SENP1: variants seen among roughly 807,000 people sequenced by gnomAD.
SENP1 encodes sentrin-specific protease 1.
A neutral mutation model predicts 93.0 loss-of-function variants in SENP1; 21 were observed. The ratio of observed to expected loss-of-function variants is 0.23; its 90% CI spans 0.16 to 0.33. SENP1 has a LOEUF of 0.33. SENP1 is among the 10% of genes least tolerant of loss of function. The probability of loss-of-function intolerance (pLI) is 1.00; values close to 1 mark genes in which losing one functional copy is unlikely to be tolerated. For missense variants in SENP1, 591 were observed against 758.7 expected (o/e 0.78, Z 2.60); for synonymous variants, 256 against 259.6 (o/e 0.99, Z 0.13).
At chr12:48,076,220 C>T (rs1300131834) in intron 6 of SENP1, among the ~76,000 whole-genome samples, 1 of 152,234 alleles carries the variant, frequency 6.6e-6, no homozygotes, top group Non-Finnish European at 1.5e-5. Context: ...AACATTATGT[C>T]AGTGTTAGCA....
At chr12:48,065,712 A>T in intron 10 of SENP1, 32 bp from the exon 11 acceptor site, 3 of 1,326,412 alleles carry the variant, frequency 2.3e-6, no homozygotes, top group Non-Finnish European at 3.2e-6. Context: ...GACCAAATGT[A>T]GACCACTCTC....
chr12:48,047,972 AACTCTT>A, intron 15 of SENP1, 23 bp downstream of exon 15: 1 of 1,482,160 alleles, frequency 6.7e-7, no homozygotes, highest in East Asian at 2.3e-5. Flanking sequence ...CCCGATATCA[AACTCTT>A]CTGTCCTCAA....
At chr12:48,075,251 C>A (rs1401339764) in intron 6 of SENP1, among the ~76,000 whole-genome samples, 1 of 151,754 alleles carries the variant, frequency 6.6e-6, no homozygotes, top group African/African-American at 2.4e-5. Flanking sequence ...CAAAACAAAA[C>A]AAAAATTATC....
chr12:48,105,781 GGAGA>G (rs369237878), intron 1 of SENP1: 11 of 578,156 alleles, frequency 1.9e-5, no homozygotes, highest in Admixed American at 1.5e-4. Context: ...CCGCGGCCCA[GGAGA>G]GAGAGACCAG....
At chr12:48,062,762 A>G (rs1314599659) in intron 13 of SENP1, among the ~76,000 whole-genome samples, 7 of 152,226 alleles carry the variant, frequency 4.6e-5, no homozygotes, top group Non-Finnish European at 7.3e-5. Context: ...GTGAACTATC[A>G]TATCTACTTC....
chr12:48,074,283 C>T (rs1322458253), intron 8 of SENP1, 41 bp downstream of exon 8: 1 of 1,507,752 alleles, frequency 6.6e-7, no homozygotes, highest in East Asian at 2.3e-5. Flanking sequence ...AGTTAATTGG[C>T]TATTAGGACT....
At chr12:48,096,271 T>C in intron 4 of SENP1, 72 bp downstream of exon 4, 2 of 794,068 alleles carry the variant, frequency 2.5e-6, no homozygotes, top group South Asian at 1.7e-5. Context: ...TTGGAGATGA[T>C]AAACATAAAC....
chr12:48,067,311 T>C lies in SENP1; in HGVS notation c.996-346A>G, dbSNP rs913963876. Reference sequence around the variant, plus strand: ...CAAAATAATACATTAAGCTAGAACATTGCTCTTCCCAAATGACTCAGATTG... The same window carrying C: ...CAAAATAATACATTAAGCTAGAACACTGCTCTTCCCAAATGACTCAGATTG... On this transcript the variant is annotated intron_variant, in intron 9 of 17. Coordinates refer to ENST00000549518, the MANE Select transcript of SENP1 (RefSeq NM_001267594.2). Among the ~76,000 whole-genome samples, 4 of 152,168 alleles carry C rather than the reference T, an allele frequency of 2.6e-5. No individual in the cohort carries two copies. In the East Asian group the frequency reaches 5.8e-4, roughly 22 times the overall value.
intron 9 of SENP1, among the ~76,000 whole-genome samples, chr12:48,069,437 C>T (rs1020064539): frequency 8.5e-5 from 13 of 152,230 alleles, no homozygotes; most frequent in Admixed American, 8.5e-4. Flanking sequence ...AACAGCCTTA[C>T]CCAACAGACC....
chr12:48,071,724 A>G lies in SENP1; in HGVS notation c.941-3T>C, dbSNP rs905987470. Reference sequence around the variant, plus strand: ...CAGTAAAATCACAGAGTCTGATCCTAAAGAAACACAAGAGCATTTCATTAG... The same window carrying G: ...CAGTAAAATCACAGAGTCTGATCCTGAAGAAACACAAGAGCATTTCATTAG... On this transcript the variant is annotated splice_polypyrimidine_tract_variant and splice_region_variant and intron_variant, in intron 8 of 17. Transcript: ENST00000549518. 2 of 1,596,338 alleles carry G rather than the reference A, an allele frequency of 1.3e-6. No homozygotes were observed. Among genetic ancestry groups the G allele is most frequent in the East Asian group, 2.2e-5 (1 of 44,782 alleles).
intron 4 of SENP1, among the ~76,000 whole-genome samples, chr12:48,095,931 C>T (rs1024662471): frequency 4.6e-5 from 7 of 152,148 alleles, no homozygotes; most frequent in Non-Finnish European, 8.8e-5. Flanking sequence ...GAAAGAAGGA[C>T]AAGCTCAGGA....
intron 3 of SENP1, 87 bp downstream of exon 3, chr12:48,097,907 T>C (rs1168667207): frequency 8.3e-7 from 1 of 1,208,154 alleles, no homozygotes; most frequent in Non-Finnish European, 1.2e-6. Context: ...GCTTGTATTT[T>C]TGAGTGTGGC....
intron 4 of SENP1, among the ~76,000 whole-genome samples, chr12:48,094,051 G>T (rs141359692): frequency 6.6e-6 from 1 of 152,130 alleles, no homozygotes; most frequent in African/African-American, 2.4e-5. Context: ...ACAGATAATC[G>T]GAAGAGATCA....
chr12:48,069,217 T>C (rs1251371892), intron 9 of SENP1, among the ~76,000 whole-genome samples: 2 of 141,074 alleles, frequency 1.4e-5, no homozygotes, highest in Non-Finnish European at 3.1e-5. Flanking sequence ...GCTTACCAAG[T>C]AGACAGAGAG....
At position 48,096,383 on chromosome 12, in the gene SENP1, A is replaced by G; in HGVS notation, c.180T>C (p.Cys60=). ...GATTATAAGCTGCACTTCTTGTGGA[A>G]CATGTAAAAGATCGGTCCAAATGTC... ...RQGHLDRSFT[C]STRSAAYNPS... is the part of the protein sequence containing the mutation. Residue 60 remains cysteine, a synonymous_variant, in exon 4 of 18, where the codon TGT becomes TGC. Coordinates refer to ENST00000549518, the MANE Select transcript of SENP1 (RefSeq NM_001267594.2). 1 of 1,611,070 alleles carries G rather than the reference A, an allele frequency of 6.2e-7. No homozygotes were observed. The highest frequency in any genetic ancestry group is 1.1e-5 in the South Asian group (1 of 90,856).
intron 4 of SENP1, among the ~76,000 whole-genome samples, chr12:48,089,536 G>A (rs1945093542): frequency 6.6e-6 from 1 of 152,144 alleles, no homozygotes; most frequent in Admixed American, 6.5e-5. Context: ...ATAATCTTCA[G>A]TCATCTAATG....
intron 3 of SENP1, chr12:48,097,752 A>G: frequency 3.0e-6 from 1 of 332,896 alleles, no homozygotes; most frequent in Non-Finnish European, 5.5e-6. Context: ...TTTAAAATTC[A>G]GAGGAACAAT....
At position 48,042,969 on chromosome 12, in the gene SENP1, T is replaced by C. The variant is rs1277137469; in HGVS notation, c.*2353A>G. 1 of 152,072 alleles carries C rather than the reference T, an allele frequency of 6.6e-6. No individual in the cohort carries two copies. Among genetic ancestry groups the C allele is most frequent in the African/African-American group, 2.4e-5 (1 of 41,422 alleles). The allele number at this position is 152,072 out of a possible 1,614,324, so 9.4% of individuals were successfully genotyped here. On this transcript the variant is annotated 3_prime_UTR_variant, in exon 18 of 18. Transcript: ENST00000549518. ...ATATTAATAACATGCCTTTGGGCCA[T>C]AAAATGCAGAAATACCTTTTTTTTT...
At chr12:48,069,813 A>C (rs551219608) in intron 9 of SENP1, among the ~76,000 whole-genome samples, 6 of 152,334 alleles carry the variant, frequency 3.9e-5, no homozygotes, top group Admixed American at 2.6e-4. Context: ...CAAACTATGA[A>C]GTCTCCCCAA....
Sources: gnomAD v4.1 joint callset for allele counts (sites outside exome capture counted in the v4.1 genomes callset) on GRCh38, gnomAD v4.1.1 for gene constraint, MANE v1.5 for transcripts, NCBI Gene and HGNC (gene_info 2026-07-23, HGNC 2026-07-21) for gene names.